Variants in FAHD1 observed in about 807,000 individuals in gnomAD.
FAHD1 encodes oxaloacetate tautomerase FAHD1, mitochondrial.
A neutral mutation model predicts 12.7 loss-of-function variants in FAHD1; 14 were observed. The observed-to-expected ratio is 1.10, with a 90% CI of 0.73 to 1.72. FAHD1 has a LOEUF of 1.72. FAHD1 is among the 40% of genes most tolerant of loss of function. FAHD1 has a pLI of 0.00. For synonymous variants in FAHD1, 153 were observed against 124.9 expected, an observed-to-expected ratio of 1.22 and a Z score of -1.50; for missense variants, 351 against 298.9, an observed-to-expected ratio of 1.17 and a Z score of -1.29.
At chr16:1,829,572 C>G (rs1415692735), downstream of FAHD1, among the ~76,000 whole-genome samples, 1 of 152,098 alleles carries the variant, frequency 6.6e-6, no homozygotes. Flanking sequence ...ATGCTGCAAC[C>G]CCATGCTTAA....
At chr16:1,833,719 AC>A (rs1187298168), downstream of FAHD1, among the ~76,000 whole-genome samples, 1 of 151,432 alleles carries the variant, frequency 6.6e-6, no homozygotes, top group Non-Finnish European at 1.5e-5. Context: ...GTGCCACCAC[AC>A]CCAGCTAATT....
chr16:1,832,885 A>T (rs1049077620), downstream of FAHD1, among the ~76,000 whole-genome samples: 4 of 152,132 alleles, frequency 2.6e-5, no homozygotes, highest in African/African-American at 9.7e-5. Context: ...TCATTACCTT[A>T]TCACCACAAT....
At chr16:1,839,572 TCTA>T (rs1344615488) in exon 3 of FAHD1, 2 of 727,652 alleles carry the variant, frequency 2.7e-6, no homozygotes, top group African/African-American at 3.6e-5. Context: ...TGCTATGCGG[TCTA>T]CAAGACAGTC....
intron 1 of FAHD1, among the ~76,000 whole-genome samples, chr16:1,836,214 CTTT>C: frequency 6.6e-6 from 1 of 152,172 alleles, no homozygotes; most frequent in East Asian, 1.9e-4. Flanking sequence ...GATTTTACAT[CTTT>C]TTATTTGTAA....
At chr16:1,837,235 T>A (rs781494113) in intron 1 of FAHD1, among the ~76,000 whole-genome samples, 15 of 151,774 alleles carry the variant, frequency 9.9e-5, no homozygotes, top group Admixed American at 1.3e-4. Context: ...CAGGCTGAGG[T>A]GTGGTGGGAT....
At chr16:1,839,741 A>T (rs181171688) in exon 3 of FAHD1, 32 of 286,818 alleles carry the variant, frequency 1.1e-4, no homozygotes, top group African/African-American at 6.4e-4. Context: ...CCCTTCTCGT[A>T]TCCCAGCCTG....
At chr16:1,830,397 C>T (rs1482472467), downstream of FAHD1, among the ~76,000 whole-genome samples, 3 of 152,214 alleles carry the variant, frequency 2.0e-5, no homozygotes, top group African/African-American at 7.2e-5. Flanking sequence ...AGGGCGTGCT[C>T]ATGCTGGAAG....
intron 1 of FAHD1, chr16:1,834,170 T>C: frequency 4.1e-6 from 3 of 731,558 alleles, no homozygotes; most frequent in Non-Finnish European, 7.0e-6. Flanking sequence ...AAAATGCAAT[T>C]TTCCCCATAA....
exon 3 of FAHD1, chr16:1,839,376 G>A: frequency 6.2e-7 from 1 of 1,614,072 alleles, no homozygotes; most frequent in South Asian, 1.1e-5. Flanking sequence ...AAAGTCCAAG[G>A]AGTTTTTGTT....
At chr16:1,834,719 G>A (rs1241531318) in intron 1 of FAHD1, among the ~76,000 whole-genome samples, 1 of 152,060 alleles carries the variant, frequency 6.6e-6, no homozygotes, top group Non-Finnish European at 1.5e-5. Context: ...GATCACCTGA[G>A]GTCAGGAGTT....
chr16:1,828,934 T>A, downstream of FAHD1: 2 of 999,164 alleles, frequency 2.0e-6, no homozygotes, highest in Non-Finnish European at 1.2e-6. Flanking sequence ...GTAATTTTTT[T>A]CCCCCCAGTA....
Position 1,828,066 on chromosome 16 carries a change from C to G in FAHD1, c.*162C>G, listed in dbSNP as rs1143034. On this transcript the variant is annotated 3_prime_UTR_variant, in exon 1 of 1. Transcript: ENST00000427358. Reference sequence around the variant, plus strand: ...GGAGGCCGAGGCGGGCGGCTCACGACGTCAGGAGATCCAGACCATCTTGGC... The same window carrying G: ...GGAGGCCGAGGCGGGCGGCTCACGAGGTCAGGAGATCCAGACCATCTTGGC... The G allele has an allele frequency of 0.17, 224,699 of 1,309,418 alleles. 20,109 individuals are homozygous for G. Among genetic ancestry groups the G allele is most frequent in the South Asian group, 0.28 (18,075 of 64,094 alleles). The allele number at this position is 1,309,418 out of a possible 1,614,324, so 81.1% of individuals were successfully genotyped here.
intron 1 of FAHD1, chr16:1,837,942 G>A: frequency 6.9e-7 from 1 of 1,452,042 alleles, no homozygotes; most frequent in Non-Finnish European, 9.1e-7. Context: ...ACAACAGTGT[G>A]AAACAAACTT....
At chr16:1,833,554 CTTTTTTTTTTTTT>C (rs769668788), downstream of FAHD1, among the ~76,000 whole-genome samples, 1 of 114,292 alleles carries the variant, frequency 8.7e-6, no homozygotes, top group African/African-American at 3.5e-5. Context: ...TTTAGAGGTA[CTTTTTTTTTTTTT>C]TTTTTTTTTT....
intron 1 of FAHD1, among the ~76,000 whole-genome samples, chr16:1,835,290 A>C (rs1239703578): frequency 6.6e-6 from 1 of 152,116 alleles, no homozygotes; most frequent in Non-Finnish European, 1.5e-5. Context: ...TAACATATGA[A>C]AAAGGGCTTA....
Position 1,839,351 on chromosome 16 carries a change from GAGAA to G in FAHD1, c.*102_*105del, listed in dbSNP as rs2142076836. 1 of 1,614,162 alleles carries G rather than the reference GAGAA, an allele frequency of 6.2e-7. No homozygotes were observed. On this transcript the variant is annotated 3_prime_UTR_variant, in exon 3 of 3. Coordinates refer to the FAHD1 transcript ENST00000382666. ...TCAGATCAATCAGCACATGGAAACT[GAGAA>G]AGACAGATTTAAAGTCCAAGGAGTT...
downstream of FAHD1, among the ~76,000 whole-genome samples, chr16:1,832,922 C>T (rs1468895697): frequency 6.6e-6 from 1 of 152,170 alleles, no homozygotes; most frequent in Admixed American, 6.5e-5. Flanking sequence ...GAACCTGCAT[C>T]CCTCCTCTGT....
At chr16:1,833,968 A>G (rs1370228996) in intron 1 of FAHD1, 1 of 249,860 alleles carries the variant, frequency 4.0e-6, no homozygotes, top group Non-Finnish European at 7.6e-6. Flanking sequence ...GGAAAAGAAA[A>G]TAAATCATTC....
At chr16:1,831,835 G>A (rs1278967572), downstream of FAHD1, among the ~76,000 whole-genome samples, 2 of 152,090 alleles carry the variant, frequency 1.3e-5, no homozygotes, top group Non-Finnish European at 2.9e-5. Context: ...TCTAGGTTGC[G>A]CACTCCTTAT....
Sources: allele counts gnomAD v4.1 joint callset (sites outside exome capture counted in the v4.1 genomes callset), GRCh38; gene constraint gnomAD v4.1.1; transcripts MANE v1.5; gene names NCBI Gene and HGNC (gene_info 2026-07-23, HGNC 2026-07-21).